Variants in SORCS2 observed in about 807,000 individuals in gnomAD.
SORCS2 encodes sortilin related VPS10 domain containing receptor 2, also known as VPS10 domain-containing receptor SorCS2.
SORCS2 carries 100 observed loss-of-function variants against 141.6 expected under a neutral mutation model. The ratio of observed to expected loss-of-function variants is 0.71; its 90% CI spans 0.60 to 0.83. The LOEUF is 0.83. SORCS2 is among the 40% of genes least tolerant of loss of function. SORCS2 has a pLI of 0.00. For synonymous variants in SORCS2, 789 were observed against 676.9 expected, an observed-to-expected ratio of 1.17 and a Z score of -2.57; for missense variants, 1,646 against 1,560.2, an observed-to-expected ratio of 1.05 and a Z score of -0.93.
chr4:7,622,052 T>A (rs1256923705), intron 3 of SORCS2, among the ~76,000 whole-genome samples: 1 of 152,054 alleles, frequency 6.6e-6, no homozygotes, highest in African/African-American at 2.4e-5. Flanking sequence ...GGCCTGGAAA[T>A]ACCCACGTCC....
At chr4:7,625,759 G>A (rs1346148484) in intron 3 of SORCS2, among the ~76,000 whole-genome samples, 1 of 152,012 alleles carries the variant, frequency 6.6e-6, no homozygotes, top group Non-Finnish European at 1.5e-5. Flanking sequence ...GAGAAGGAGG[G>A]AGGGAGGGAA....
At chr4:7,342,534 G>C (rs1017400806) in intron 1 of SORCS2, among the ~76,000 whole-genome samples, 1 of 152,050 alleles carries the variant, frequency 6.6e-6, no homozygotes, top group Non-Finnish European at 1.5e-5. Context: ...GCTGTCTTGG[G>C]GGCCAAGATG....
intron 3 of SORCS2, among the ~76,000 whole-genome samples, chr4:7,591,431 C>T (rs1344159189): frequency 6.6e-6 from 1 of 152,152 alleles, no homozygotes; most frequent in African/African-American, 2.4e-5. Flanking sequence ...ATCAGGCCAT[C>T]CAGGGTGGAC....
In SORCS2 at chr4:7,664,240, C is replaced by T; in HGVS notation, c.953-113C>T. On this transcript the variant is annotated intron_variant, in intron 6 of 26. Coordinates refer to ENST00000507866, the MANE Select transcript of SORCS2 (RefSeq NM_020777.3). This position sits in a 1 kb window ranked among gnomAD's most constrained non-coding sequence, Gnocchi z 4.7. Reference sequence around the variant, plus strand: ...CACGGTGGCCTTTAGAATTCAAGCCCATGAAGCCACACCACAGCGGTATTG... The same window carrying T: ...CACGGTGGCCTTTAGAATTCAAGCCTATGAAGCCACACCACAGCGGTATTG... 1.2e-6 allele frequency: 1 copy of T among 806,354 alleles called. No homozygotes were observed. Among genetic ancestry groups the T allele is most frequent in the Admixed American group, 2.6e-5 (1 of 39,038 alleles). 49.9% of individuals were successfully genotyped at this position (806,354 alleles called of 1,614,324 possible).
intron 1 of SORCS2, among the ~76,000 whole-genome samples, chr4:7,234,575 C>A (rs1577306232): frequency 1.3e-5 from 2 of 152,324 alleles, no homozygotes; most frequent in South Asian, 4.1e-4. Context: ...CCCTTGGGTC[C>A]CTGAGCTTGG....
intron 3 of SORCS2, among the ~76,000 whole-genome samples, chr4:7,559,180 G>A (rs1714350302): frequency 1.3e-5 from 2 of 152,202 alleles, no homozygotes; most frequent in Admixed American, 1.3e-4. Flanking sequence ...TGGCCTCTGA[G>A]CAGCTACGTG....
chr4:7,501,322 A>G (rs557864635), intron 2 of SORCS2, among the ~76,000 whole-genome samples: 2 of 149,638 alleles, frequency 1.3e-5, no homozygotes, highest in East Asian at 3.9e-4. Flanking sequence ...TGAGCTTTTT[A>G]TTGTTCTTTC....
intron 2 of SORCS2, among the ~76,000 whole-genome samples, chr4:7,499,546 G>A (rs980214153): frequency 1.3e-5 from 2 of 152,152 alleles, no homozygotes; most frequent in African/African-American, 4.8e-5. Flanking sequence ...GAGGATCGCA[G>A]GTGGTACCTG....
chr4:7,716,071 A>T (rs1274551156), intron 17 of SORCS2, among the ~76,000 whole-genome samples: 1 of 151,994 alleles, frequency 6.6e-6, no homozygotes, highest in Non-Finnish European at 1.5e-5. Context: ...GCTATGAAGG[A>T]TTCAATTCAT....
chr4:7,550,055 C>G (rs369980571), intron 3 of SORCS2, among the ~76,000 whole-genome samples: 8 of 150,206 alleles, frequency 5.3e-5, no homozygotes, highest in East Asian at 2.0e-4. Context: ...CTGGTGGCAA[C>G]TGGAAATAGC....
intron 5 of SORCS2, among the ~76,000 whole-genome samples, chr4:7,659,289 GA>G (rs1215109826): frequency 0.026 from 3,601 of 138,350 alleles, 115 homozygotes; most frequent in African/African-American, 0.073. Context: ...AAAAAAAAAA[GA>G]AAAAAAAAAA....
intron 3 of SORCS2, among the ~76,000 whole-genome samples, chr4:7,535,816 T>G (rs1283102615): frequency 6.6e-6 from 1 of 152,120 alleles, no homozygotes; most frequent in Admixed American, 6.5e-5. Flanking sequence ...GTGCCAGGCA[T>G]GGGGGGCATT....
rs377593470 is a variant in SORCS2, at chr4:7,690,648, G to A, written c.1591+1060G>A. Reference sequence around the variant, plus strand: ...TGGGTGGATGATAGACGGATGATGGGTGATGGATAGATGGTGAATGGATGG... The same window carrying A: ...TGGGTGGATGATAGACGGATGATGGATGATGGATAGATGGTGAATGGATGG... On this transcript the variant is annotated intron_variant, in intron 11 of 26. Coordinates refer to ENST00000507866, the MANE Select transcript of SORCS2 (RefSeq NM_020777.3). Among the ~76,000 whole-genome samples, 169 of 152,010 alleles carry A rather than the reference G, an allele frequency of 1.1e-3. 1 individual carries two copies. Among genetic ancestry groups the A allele is most frequent in the African/African-American group, 3.5e-3 (147 of 41,446 alleles).
chr4:7,206,717 C>T (rs1317006014), intron 1 of SORCS2, among the ~76,000 whole-genome samples: 2 of 152,168 alleles, frequency 1.3e-5, no homozygotes, highest in Non-Finnish European at 2.9e-5. Flanking sequence ...ATGGTGGGGC[C>T]ACTGGGTCAG....
intron 1 of SORCS2, among the ~76,000 whole-genome samples, chr4:7,276,011 C>G (rs1715475054): frequency 6.6e-6 from 1 of 152,160 alleles, no homozygotes. Context: ...ACTTCGGGCT[C>G]AGTGGGGAGT....
rs367898581 is a variant in SORCS2 at position 7,689,094 on chromosome 4, C to T, written c.1489-392C>T. On this transcript the variant is annotated intron_variant, in intron 10 of 26. Transcript: ENST00000507866. ...ACATCCCATGGCCCGGCACTTGACC[C>T]GGCACTTGGGCTCTTGACCGATGCC... 2.6e-4 allele frequency among the ~76,000 whole-genome samples: 39 copies of T among 152,246 alleles called. No homozygotes were observed. In the Middle Eastern group the frequency reaches 0.01, roughly 40 times the overall value.
chr4:7,328,469 A>G (rs1364227930), intron 1 of SORCS2, among the ~76,000 whole-genome samples: 1 of 152,110 alleles, frequency 6.6e-6, no homozygotes, highest in Non-Finnish European at 1.5e-5. Flanking sequence ...CAGGGCTTCA[A>G]AGCTGGGACT....
Position 7,501,677 on chromosome 4 carries a change from T to C in SORCS2, c.549-29853T>C, listed in dbSNP as rs142215918. 2.8e-3 allele frequency among the ~76,000 whole-genome samples: 421 copies of C among 152,358 alleles called. 6 individuals are homozygous for C. The highest frequency in any genetic ancestry group is 9.0e-3 in the African/African-American group (374 of 41,584). On this transcript the variant is annotated intron_variant, in intron 2 of 26. Transcript: ENST00000507866. ...GCTGTTGCTGCCCTTTGCGTTGGTC[T>C]CATTGTCCCTGTGTGTCTGGAGACT...
chr4:7,566,834 A>T (rs1715052366), intron 3 of SORCS2, among the ~76,000 whole-genome samples: 1 of 151,538 alleles, frequency 6.6e-6, no homozygotes, highest in African/African-American at 2.4e-5. Flanking sequence ...AGCTAGTCAC[A>T]TGGCCTGTCT....
Sources: gnomAD v4.1 joint callset for allele counts (sites outside exome capture counted in the v4.1 genomes callset) on GRCh38, gnomAD v4.1.1 for gene constraint, Gnocchi (gnomAD v3.1) non-coding constraint, MANE v1.5 for transcripts, NCBI Gene and HGNC (gene_info 2026-07-23, HGNC 2026-07-21) for gene names.